CBLB: variants seen among roughly 807,000 people sequenced by gnomAD.
CBLB encodes E3 ubiquitin-protein ligase CBL-B.
Under a neutral mutation model 104.9 loss-of-function variants are expected in CBLB, and 31 were observed. That is an observed-to-expected ratio of 0.30 (90% CI 0.22 to 0.40). CBLB has a LOEUF of 0.40. Ranked by LOEUF, CBLB falls within the 10% of genes least tolerant of loss-of-function variation. CBLB has a pLI of 1.00. For missense variants in CBLB, 1,062 were observed against 1,214.6 expected (o/e 0.87, Z 1.87); for synonymous variants, 440 against 422.6 (o/e 1.04, Z -0.51).
chr3:105,732,655 C>T (rs1302817713), intron 9 of CBLB, among the ~76,000 whole-genome samples: 3 of 152,062 alleles, frequency 2.0e-5, no homozygotes, highest in African/African-American at 7.2e-5. Flanking sequence ...AAGAAGCAGG[C>T]CCTTTTATGA....
In CBLB at chr3:105,837,554, G is replaced by A. The variant is rs866078167; in HGVS notation, c.419+15860C>T. ...AGTTTGTGAGAGTAGGCAGAATGAT[G>A]TGAATTTTTTAGGAATTTATCTTAC... On this transcript the variant is annotated intron_variant, in intron 3 of 18. Transcript: ENST00000394030. Among the ~76,000 whole-genome samples, 52 of 152,274 alleles carry A rather than the reference G, an allele frequency of 3.4e-4. 1 individual carries two copies. Among genetic ancestry groups the A allele is most frequent in the Middle Eastern group, 3.4e-3 (1 of 294 alleles).
In CBLB at chr3:105,758,502, C is replaced by T. The variant is rs1325339496; in HGVS notation, c.567-6884G>A. Among the ~76,000 whole-genome samples, 19 of 151,766 alleles carry T rather than the reference C, an allele frequency of 1.3e-4. No individual in the cohort carries two copies. The East Asian group carries it at 3.5e-3, about 28-fold the overall frequency. ...ACCTCTGTGATTGGTTGCGCCATTACCCGAGTTTTGCTCAGGCCTGCTGGG... is the reference window on the plus strand; with the variant it reads ...ACCTCTGTGATTGGTTGCGCCATTATCCGAGTTTTGCTCAGGCCTGCTGGG... On this transcript the variant is annotated intron_variant, in intron 4 of 18. Coordinates refer to ENST00000394030, the MANE Select transcript of CBLB (RefSeq NM_170662.5).
At chr3:105,831,419 T>C (rs1331721087) in intron 3 of CBLB, among the ~76,000 whole-genome samples, 1 of 152,224 alleles carries the variant, frequency 6.6e-6, no homozygotes, top group Non-Finnish European at 1.5e-5. Flanking sequence ...AATGCCATCC[T>C]CCGTGATTCC....
At chr3:105,799,098 C>A (rs1344108283) in intron 3 of CBLB, among the ~76,000 whole-genome samples, 2 of 145,134 alleles carry the variant, frequency 1.4e-5, no homozygotes, top group Non-Finnish European at 3.0e-5. Flanking sequence ...TTAACAATGA[C>A]CAGAATAATA....
chr3:105,693,245 T>C (rs2067943262), intron 13 of CBLB, among the ~76,000 whole-genome samples: 1 of 152,064 alleles, frequency 6.6e-6, no homozygotes, highest in Admixed American at 6.6e-5. Context: ...ATGCAAGGAA[T>C]GCGTAGCTTT....
At chr3:105,867,651 A>G (rs1215557415) in intron 1 of CBLB, 60 bp from the exon 2 acceptor site, 1 of 1,427,692 alleles carries the variant, frequency 7.0e-7, no homozygotes, top group African/African-American at 1.4e-5. Flanking sequence ...TTTACCCACC[A>G]GAAAACTAGA....
chr3:105,798,606 G>GT (rs1326864852), intron 3 of CBLB, among the ~76,000 whole-genome samples: 2 of 152,148 alleles, frequency 1.3e-5, no homozygotes, highest in African/African-American at 4.8e-5. Flanking sequence ...CTGTTTGGTG[G>GT]TAAGACAGGA....
intron 6 of CBLB, 89 bp downstream of exon 6, chr3:105,745,828 G>A (rs2076049912): frequency 8.5e-7 from 1 of 1,177,208 alleles, no homozygotes. Flanking sequence ...CATGCCATCA[G>A]CGGGTATTGC....
At chr3:105,703,862 A>G (rs1576468022) in intron 11 of CBLB, 126 bp downstream of exon 11, 1 of 817,032 alleles carries the variant, frequency 1.2e-6, no homozygotes, top group East Asian at 2.7e-5. Context: ...AAACTAAACG[A>G]GAAACTCATC....
intron 18 of CBLB, among the ~76,000 whole-genome samples, chr3:105,663,257 A>C (rs2064007031): frequency 6.6e-6 from 1 of 152,228 alleles, no homozygotes; most frequent in East Asian, 1.9e-4. Context: ...CTAAGGGAAG[A>C]ACCTAGAAAT....
At chr3:105,696,075 CA>C (rs951642659) in intron 12 of CBLB, among the ~76,000 whole-genome samples, 11 of 151,234 alleles carry the variant, frequency 7.3e-5, no homozygotes, top group Non-Finnish European at 1.5e-5. Flanking sequence ...TACATACATA[CA>C]TATATACACA....
chr3:105,806,269 A>G (rs2083480074), intron 3 of CBLB, among the ~76,000 whole-genome samples: 1 of 152,178 alleles, frequency 6.6e-6, no homozygotes, highest in Non-Finnish European at 1.5e-5. Context: ...TGTTGAATTA[A>G]TGCATAAATG....
At chr3:105,672,508 T>C (rs913524307) in intron 17 of CBLB, 3 of 163,482 alleles carry the variant, frequency 1.8e-5, no homozygotes, top group African/African-American at 7.2e-5. Context: ...CTACACAGAG[T>C]ATAATAATTA....
chr3:105,708,234 A>G (rs2070502785), intron 10 of CBLB, among the ~76,000 whole-genome samples: 1 of 152,068 alleles, frequency 6.6e-6, no homozygotes, highest in Non-Finnish European at 1.5e-5. Flanking sequence ...GTTGGGGTAA[A>G]ACAATAATAA....
intron 17 of CBLB, 96 bp downstream of exon 17, chr3:105,678,335 G>A: frequency 8.2e-7 from 1 of 1,220,930 alleles, no homozygotes. Flanking sequence ...TGCTAGGGAG[G>A]TAGAGACTAA....
At chr3:105,761,018 T>C (rs557711576) in intron 4 of CBLB, among the ~76,000 whole-genome samples, 2 of 152,224 alleles carry the variant, frequency 1.3e-5, no homozygotes, top group East Asian at 3.9e-4. Flanking sequence ...GACTTTATTG[T>C]TGTTGTTTTT....
At chr3:105,753,426 A>G (rs1352740317) in intron 4 of CBLB, among the ~76,000 whole-genome samples, 1 of 152,126 alleles carries the variant, frequency 6.6e-6, no homozygotes, top group Non-Finnish European at 1.5e-5. Context: ...TTGATTTACA[A>G]TGAAGTATAA....
At chr3:105,780,660 G>GTT (rs58640968) in intron 3 of CBLB, among the ~76,000 whole-genome samples, 50,099 of 93,738 alleles carry the variant, frequency 0.53, 14,225 homozygotes, top group Middle Eastern at 0.61. Context: ...TTTGTTTTTT[G>GTT]TTTTTTTTTT....
chr3:105,698,605 C>CA (rs34896633), intron 12 of CBLB, among the ~76,000 whole-genome samples: 2,421 of 80,748 alleles, frequency 0.03, 147 homozygotes, highest in African/African-American at 0.089. Flanking sequence ...ACCATTTGAC[C>CA]AAAAAAAAAA....
Sources: gnomAD v4.1 joint callset for allele counts (sites outside exome capture counted in the v4.1 genomes callset) on GRCh38, gnomAD v4.1.1 for gene constraint, MANE v1.5 for transcripts, NCBI Gene and HGNC (gene_info 2026-07-23, HGNC 2026-07-21) for gene names.